Variants in WDR59 observed in about 807,000 individuals in gnomAD.
WDR59 encodes WD repeat domain 59.
WDR59 carries 100 observed loss-of-function variants against 131.2 expected under a neutral mutation model. The ratio of observed to expected loss-of-function variants is 0.76; its 90% confidence interval spans 0.65 to 0.90. The LOEUF (loss-of-function observed/expected upper bound fraction) is 0.90. WDR59 is among the 40% of genes least tolerant of loss of function. WDR59 has a pLI of 0.00. For missense variants in WDR59, 1,203 were observed against 1,262.2 expected (o/e 0.95, Z 0.71); for synonymous variants, 601 against 466.2 (o/e 1.29, Z -3.72).
chr16:74,926,557 G>A (rs1040807342), intron 8 of WDR59, among the ~76,000 whole-genome samples: 2 of 152,104 alleles, frequency 1.3e-5, no homozygotes, highest in Non-Finnish European at 1.5e-5. Context: ...TTCTGTAGAA[G>A]GGGATGATCC....
At chr16:74,949,374 AAGGAAGGAAAGAC>A (rs1256377065) in intron 5 of WDR59, among the ~76,000 whole-genome samples, 3 of 145,240 alleles carry the variant, frequency 2.1e-5, no homozygotes, top group Non-Finnish European at 4.5e-5. Context: ...GAAAGAGAGG[AAGGAAGGAAAGAC>A]AGGAAGGAAG....
intron 2 of WDR59, among the ~76,000 whole-genome samples, chr16:74,960,317 C>T (rs1461044299): frequency 6.6e-6 from 1 of 151,390 alleles, no homozygotes; most frequent in Admixed American, 6.6e-5. Flanking sequence ...GGCAACAGAG[C>T]GAAACTCCAT....
At chr16:74,960,769 A>C (rs561254679) in intron 2 of WDR59, among the ~76,000 whole-genome samples, 2 of 150,740 alleles carry the variant, frequency 1.3e-5, no homozygotes, top group African/African-American at 4.9e-5. Flanking sequence ...AAAAAAAAAA[A>C]AGAGAGAGAG....
chr16:74,893,937 T>C, intron 18 of WDR59, 125 bp from the exon 19 acceptor site: 1 of 1,073,354 alleles, frequency 9.3e-7, no homozygotes, highest in East Asian at 2.4e-5. Context: ...ATGCCCACAA[T>C]TATGGGAATC....
intron 19 of WDR59, 56 bp downstream of exon 19, chr16:74,893,620 AAAG>A: frequency 6.5e-7 from 1 of 1,527,078 alleles, no homozygotes; most frequent in Non-Finnish European, 8.8e-7. Context: ...AAAAAAAAAA[AAAG>A]TTTTGCTAAT....
intron 18 of WDR59, among the ~76,000 whole-genome samples, chr16:74,901,891 G>A (rs1317648843): frequency 1.3e-5 from 2 of 152,012 alleles, no homozygotes; most frequent in Non-Finnish European, 2.9e-5. Context: ...TACATAAACG[G>A]GATGGATGTG....
chr16:74,951,083 C>G (rs2032966838), intron 4 of WDR59, among the ~76,000 whole-genome samples: 2 of 150,456 alleles, frequency 1.3e-5, no homozygotes, highest in South Asian at 2.1e-4. Flanking sequence ...TCACTTGAAC[C>G]CAGGAAGCGG....
chr16:74,938,966 G>A (rs1235111673), intron 7 of WDR59, among the ~76,000 whole-genome samples: 3 of 151,938 alleles, frequency 2.0e-5, no homozygotes, highest in Non-Finnish European at 4.4e-5. Context: ...TAAAGTGATG[G>A]AGCACTAAGA....
intron 20 of WDR59, among the ~76,000 whole-genome samples, chr16:74,890,276 G>A (rs550056728): frequency 2.6e-5 from 4 of 152,156 alleles, no homozygotes; most frequent in Admixed American, 6.6e-5. Flanking sequence ...TCAGCCTCCC[G>A]AGTATCTAGG....
intron 25 of WDR59, among the ~76,000 whole-genome samples, chr16:74,875,357 G>A (rs1964163368): frequency 6.6e-6 from 1 of 152,202 alleles, no homozygotes; most frequent in Non-Finnish European, 1.5e-5. Flanking sequence ...TGCAGGGGCA[G>A]TGGGTGGGGA....
chr16:74,982,064 G>C (rs964480897), intron 1 of WDR59, among the ~76,000 whole-genome samples: 1 of 146,070 alleles, frequency 6.8e-6, no homozygotes, highest in African/African-American at 2.5e-5. Flanking sequence ...AAGACCACCT[G>C]GGCAAGATAC....
intron 3 of WDR59, among the ~76,000 whole-genome samples, chr16:74,953,065 C>T (rs760981164): frequency 1.6e-4 from 24 of 152,148 alleles, no homozygotes; most frequent in Non-Finnish European, 2.8e-4. Context: ...TCATCACCCA[C>T]ATTATAGATG....
chr16:74,956,224 C>T (rs1270576262), intron 3 of WDR59, among the ~76,000 whole-genome samples: 1 of 152,170 alleles, frequency 6.6e-6, no homozygotes, highest in Non-Finnish European at 1.5e-5. Flanking sequence ...GAAATGGATG[C>T]ATCTGCCTGT....
At chr16:74,905,706 A>T (rs987593618) in intron 17 of WDR59, among the ~76,000 whole-genome samples, 7 of 151,200 alleles carry the variant, frequency 4.6e-5, no homozygotes, top group African/African-American at 1.7e-4. Flanking sequence ...ATAAATAAAA[A>T]ATAAAAAAAT....
intron 17 of WDR59, among the ~76,000 whole-genome samples, chr16:74,906,384 A>G (rs1407965550): frequency 6.6e-6 from 1 of 151,214 alleles, no homozygotes; most frequent in Non-Finnish European, 1.5e-5. Flanking sequence ...AAGGACTAGC[A>G]ATACCAAGTT....
intron 8 of WDR59, among the ~76,000 whole-genome samples, chr16:74,928,206 T>A (rs908936963): frequency 0.011 from 4 of 372 alleles, no homozygotes; most frequent in East Asian, 0.17. Context: ...GCATCCAGGT[T>A]TTTTTTTTTT....
intron 10 of WDR59, among the ~76,000 whole-genome samples, chr16:74,919,268 C>T (rs1248862395): frequency 6.6e-6 from 1 of 152,052 alleles, no homozygotes; most frequent in Admixed American, 6.6e-5. Flanking sequence ...CCTGCTGCCC[C>T]TGTTCATGCC....
intron 8 of WDR59, among the ~76,000 whole-genome samples, chr16:74,935,127 G>A (rs533149969): frequency 7.9e-5 from 12 of 152,190 alleles, no homozygotes; most frequent in Admixed American, 7.9e-4. Flanking sequence ...TACTGAGGGA[G>A]GCTGAGACAT....
At position 74,872,120 on chromosome 16, in the gene WDR59, T is replaced by C. The variant is rs1964022192; in HGVS notation, c.*2089A>G. 6.6e-6 allele frequency: 1 copy of C among 152,242 alleles called. No homozygotes were observed. The highest frequency in any genetic ancestry group is 1.9e-4 in the East Asian group (1 of 5,208). The allele number at this position is 152,242 out of a possible 1,614,324, so 9.4% of individuals were successfully genotyped here. ...AACAAGTTACACAAAACATTTTCCT[T>C]AGCTATGTATGGTACATTGTGATCA... is the stretch of plus-strand genomic sequence containing the variant. On this transcript the variant is annotated 3_prime_UTR_variant, in exon 26 of 26. Transcript: ENST00000262144.
Sources: gnomAD v4.1 joint callset for allele counts (sites outside exome capture counted in the v4.1 genomes callset) on GRCh38, gnomAD v4.1.1 for gene constraint, MANE v1.5 for transcripts, NCBI Gene and HGNC (gene_info 2026-07-23, HGNC 2026-07-21) for gene names.